The following GGA2 variants were observed in gnomAD, a reference collection of about 807,000 sequenced individuals.
GGA2 encodes ADP-ribosylation factor-binding protein GGA2.
Under a neutral mutation model 79.5 loss-of-function variants are expected in GGA2, and 48 were observed. The observed-to-expected ratio is 0.60, with a 90% CI of 0.48 to 0.77. The LOEUF (loss-of-function observed/expected upper bound fraction) is 0.77, where lower values mean the gene tolerates loss of function less well. GGA2 is among the 30% of genes least tolerant of loss of function. The pLI, the probability that GGA2 is intolerant of heterozygous loss-of-function variation, is 0.00. For missense variants in GGA2, 770 were observed against 774.0 expected, an observed-to-expected ratio of 0.99 and a Z score of 0.06; for synonymous variants, 317 against 302.0, an observed-to-expected ratio of 1.05 and a Z score of -0.51.
intron 2 of GGA2, 100 bp from the exon 3 acceptor site, chr16:23,494,478 G>T: frequency 1.2e-6 from 1 of 833,090 alleles, no homozygotes; most frequent in Non-Finnish European, 2.1e-6. Context: ...CCAGGGGCTG[G>T]TGTCCAAAAG....
intron 5 of GGA2, among the ~76,000 whole-genome samples, chr16:23,489,266 GCT>G (rs1232792894): frequency 6.6e-6 from 1 of 152,148 alleles, no homozygotes; most frequent in East Asian, 1.9e-4. Flanking sequence ...ACAGATTCTT[GCT>G]CTGTCTCCCA....
At chr16:23,494,622 C>T (rs1034138685) in intron 2 of GGA2, among the ~76,000 whole-genome samples, 1 of 152,188 alleles carries the variant, frequency 6.6e-6, no homozygotes, top group Non-Finnish European at 1.5e-5. Flanking sequence ...CCTCAGCCAA[C>T]CCCCAGCCCC....
At chr16:23,480,521 G>T in intron 10 of GGA2, 124 bp downstream of exon 10, 1 of 804,536 alleles carries the variant, frequency 1.2e-6, no homozygotes. Flanking sequence ...CACAGGAAGG[G>T]GAACAAAGGG....
At chr16:23,496,037 T>C (rs1964850850) in intron 1 of GGA2, among the ~76,000 whole-genome samples, 1 of 152,152 alleles carries the variant, frequency 6.6e-6, no homozygotes, top group Non-Finnish European at 1.5e-5. Flanking sequence ...CAGTGGCTCA[T>C]GCCTGTAATC....
In GGA2 at chr16:23,480,632, C is replaced by T; in HGVS notation, c.1006+13G>A. Reference sequence around the variant, plus strand: ...CCAAGGCAGAGAAGGCAAGGAGAAGCTTTCAAACATACCTCTGGAGACAGG... The same window carrying T: ...CCAAGGCAGAGAAGGCAAGGAGAAGTTTTCAAACATACCTCTGGAGACAGG... On this transcript the variant is annotated intron_variant, in intron 10 of 16. Coordinates refer to ENST00000309859, the MANE Select transcript of GGA2 (RefSeq NM_015044.4). 6.2e-7 allele frequency: 1 copy of T among 1,604,218 alleles called. No homozygotes were observed. Among genetic ancestry groups the T allele is most frequent in the Non-Finnish European group, 8.5e-7 (1 of 1,171,968 alleles).
At chr16:23,470,825 CTTTTTTTTTTTTT>C (rs36067397) in intron 14 of GGA2, among the ~76,000 whole-genome samples, 14 of 56,142 alleles carry the variant, frequency 2.5e-4, no homozygotes, top group Middle Eastern at 0.014. Context: ...GAAATAAATG[CTTTTTTTTTTTTT>C]TTTTTTTTTG....
At chr16:23,473,068 A>G (rs1396036129) in intron 14 of GGA2, among the ~76,000 whole-genome samples, 1 of 151,500 alleles carries the variant, frequency 6.6e-6, no homozygotes, top group Non-Finnish European at 1.5e-5. Flanking sequence ...AACAGATTAC[A>G]GTACCTCTAC....
At chr16:23,487,441 A>G (rs1319732726) in intron 6 of GGA2, among the ~76,000 whole-genome samples, 1 of 152,164 alleles carries the variant, frequency 6.6e-6, no homozygotes, top group Non-Finnish European at 1.5e-5. Context: ...AGTGCACAGG[A>G]CAGTCCCCAA....
chr16:23,473,126 G>T (rs1188879349), intron 14 of GGA2, among the ~76,000 whole-genome samples: 1 of 149,814 alleles, frequency 6.7e-6, no homozygotes, highest in Non-Finnish European at 1.5e-5. Flanking sequence ...AGTTTTTAAA[G>T]AACAACTAAG....
intron 15 of GGA2, 32 bp downstream of exon 15, chr16:23,469,964 C>T (rs1034705929): frequency 6.9e-7 from 1 of 1,442,136 alleles, no homozygotes; most frequent in Non-Finnish European, 9.2e-7. Flanking sequence ...AAACGACAGC[C>T]ATTACTGAGA....
chr16:23,492,857 G>T (rs59197241), intron 4 of GGA2, among the ~76,000 whole-genome samples: 12,225 of 152,184 alleles, frequency 0.08, 895 homozygotes, highest in African/African-American at 0.19. Flanking sequence ...TCACTGCGTG[G>T]GGTCCGGGTA....
intron 5 of GGA2, 50 bp downstream of exon 5, chr16:23,491,627 A>T (rs1251566769): frequency 1.3e-6 from 2 of 1,578,752 alleles, no homozygotes; most frequent in Non-Finnish European, 1.7e-6. Flanking sequence ...AAAAGCAAGA[A>T]GATACAGGCC....
chr16:23,481,800 A>C (rs1006632865), intron 9 of GGA2, among the ~76,000 whole-genome samples: 4 of 152,230 alleles, frequency 2.6e-5, no homozygotes, highest in Non-Finnish European at 4.4e-5. Flanking sequence ...AAAGGATTGC[A>C]GAGGGCATGC....
intron 5 of GGA2, among the ~76,000 whole-genome samples, chr16:23,489,760 A>AGAGGCTCACGAAAACAGCGGGAAGGCCTG (rs1964759518): frequency 6.6e-6 from 1 of 152,242 alleles, no homozygotes; most frequent in Non-Finnish European, 1.5e-5. Flanking sequence ...GCTCTTCTCC[A>AGAGGCTCACGAAAACAGCGGGAAGGCCTG]GAGGCTCACG....
chr16:23,465,905 C>T lies in GGA2; in HGVS notation c.*1685G>A, dbSNP rs1011517457. On this transcript the variant is annotated 3_prime_UTR_variant, in exon 17 of 17. Transcript: ENST00000309859. ...GCAGTGAGCTGAGATTATACCACCG[C>T]ACTCCAGCCTGAGTGACAGAGTGAG... 2 of 154,256 alleles carry T rather than the reference C, an allele frequency of 1.3e-5. No individual in the cohort carries two copies. Among genetic ancestry groups the T allele is most frequent in the African/African-American group, 4.8e-5 (2 of 41,472 alleles). 9.6% of individuals were successfully genotyped at this position (154,256 alleles called of 1,614,324 possible).
chr16:23,510,553 G>GCCCCCCC (rs36021060), upstream of GGA2: 25 of 381,928 alleles, frequency 6.5e-5, no homozygotes, highest in South Asian at 2.3e-4. Flanking sequence ...CCCACCCCAG[G>GCCCCCCC]CCCCCCCTCC....
At chr16:23,489,795 G>A (rs1430173277) in intron 5 of GGA2, among the ~76,000 whole-genome samples, 11 of 152,184 alleles carry the variant, frequency 7.2e-5, no homozygotes, top group Admixed American at 3.3e-4. Context: ...GCCTGAAGGC[G>A]GGATTAGGGG....
Position 23,483,052 on chromosome 16 carries a change from A to G in GGA2, c.799-48T>C, listed in dbSNP as rs539185763. The G allele has an allele frequency of 7.1e-4, 879 of 1,237,478 alleles. 6 individuals are homozygous for G. Among genetic ancestry groups the G allele is most frequent in the South Asian group, 6.7e-3 (551 of 82,646 alleles). 76.7% of individuals were successfully genotyped at this position (1,237,478 alleles called of 1,614,324 possible). ...ATGACACACGCCCAGGCACCCCATA[A>G]CGCCCCCCTCCAGGGCCCCAGGAGC... is the stretch of plus-strand genomic sequence containing the variant. On this transcript the variant is annotated intron_variant, in intron 8 of 16. Transcript: ENST00000309859.
intron 8 of GGA2, among the ~76,000 whole-genome samples, chr16:23,484,091 C>A (rs1162019592): frequency 6.6e-6 from 1 of 151,252 alleles, no homozygotes; most frequent in Non-Finnish European, 1.5e-5. Context: ...GGTTCAAGAC[C>A]AGCCTGGCCA....
Sources: allele counts gnomAD v4.1 joint callset (sites outside exome capture counted in the v4.1 genomes callset), GRCh38; gene constraint gnomAD v4.1.1; transcripts MANE v1.5; gene names NCBI Gene and HGNC (gene_info 2026-07-23, HGNC 2026-07-21).